Variants in SELENBP1 observed in about 807,000 individuals in gnomAD.
SELENBP1 encodes selenium binding protein 1, also known as methanethiol oxidase.
Under a neutral mutation model 61.0 loss-of-function variants are expected in SELENBP1, and 71 were observed. That is an observed-to-expected ratio of 1.16 (90% CI 0.96 to 1.42). The LOEUF (loss-of-function observed/expected upper bound fraction) is 1.42. Ranked by LOEUF, SELENBP1 falls within the 40% of genes most tolerant of loss-of-function variation. SELENBP1 has a pLI of 0.00. For missense variants in SELENBP1, 561 were observed against 605.0 expected (o/e 0.93, Z 0.76); for synonymous variants, 270 against 238.9 (o/e 1.13, Z -1.20).
intron 3 of SELENBP1, 117 bp from the exon 4 acceptor site, chr1:151,369,306 C>T (rs1199788456): frequency 4.2e-6 from 6 of 1,442,140 alleles, no homozygotes; most frequent in Non-Finnish European, 3.8e-6. Context: ...TTTCAGCACT[C>T]CCCTTGTCCC....
At chr1:151,365,434 C>T in intron 9 of SELENBP1, 129 bp downstream of exon 9, 1 of 1,496,926 alleles carries the variant, frequency 6.7e-7, no homozygotes, top group Non-Finnish European at 9.1e-7. Flanking sequence ...TGTGCTGTCC[C>T]ACAGCACACA....
At chr1:151,370,016 G>C (rs1420777214) in intron 1 of SELENBP1, 2 of 1,439,704 alleles carry the variant, frequency 1.4e-6, no homozygotes, top group Non-Finnish European at 1.8e-6. Context: ...GCCCCGGGAG[G>C]GTGGGAGGAG....
At chr1:151,368,882 G>A in intron 4 of SELENBP1, 122 bp downstream of exon 4, 1 of 1,040,170 alleles carries the variant, frequency 9.6e-7, no homozygotes, top group Non-Finnish European at 1.4e-6. Context: ...CCTCCCTGCT[G>A]CCGAGCCAGT....
chr1:151,368,330 T>C lies in SELENBP1; in HGVS notation c.361-11A>G. ...CTTGGGCTCAATGACCTGGAAGGGG[T>C]GGGGAATGGTGTCAGAATCATACAG... is the stretch of plus-strand genomic sequence containing the variant. On this transcript the variant is annotated splice_polypyrimidine_tract_variant and intron_variant, in intron 4 of 11. Transcript: ENST00000368868. The C allele has an allele frequency of 6.2e-7, 1 of 1,613,656 alleles. No individual in the cohort carries two copies. The highest frequency in any genetic ancestry group is 8.5e-7 in the Non-Finnish European group (1 of 1,179,684).
rs559115558 is a variant in SELENBP1 at position 151,369,820 on chromosome 1, G to C, written c.5-51C>G. ...CTGGGCCACGCTCTGGAGGGTGAAG[G>C]CTCCCTCCGCACGTTCTGCAGCACA... On this transcript the variant is annotated intron_variant, in intron 1 of 11. Transcript: ENST00000368868. 51 of 1,551,554 alleles carry C rather than the reference G, an allele frequency of 3.3e-5. No homozygotes were observed. The Admixed American group carries it at 4.3e-4, about 13-fold the overall frequency.
rs1352592864 is a variant in SELENBP1 at position 151,365,059 on chromosome 1, G to A, written c.1138-15C>T. ...ACCCGTTTTCCCTTGGGAAAACCAG[G>A]GGTCAGAGCCCAGGGTAACACACAG... is the stretch of plus-strand genomic sequence containing the variant. On this transcript the variant is annotated splice_polypyrimidine_tract_variant and intron_variant, in intron 10 of 11. Transcript: ENST00000368868. The A allele has an allele frequency of 1.9e-6, 3 of 1,601,534 alleles. No individual in the cohort carries two copies. Among genetic ancestry groups the A allele is most frequent in the Non-Finnish European group, 1.7e-6 (2 of 1,173,934 alleles).
Position 151,366,910 on chromosome 1 carries a change from C to T in SELENBP1, c.482-6G>A. 1 of 1,612,930 alleles carries T rather than the reference C, an allele frequency of 6.2e-7. No homozygotes were observed. The highest frequency in any genetic ancestry group is 1.3e-5 in the African/African-American group (1 of 75,018). ...ATCCAGCAGCACAAAACCCCCTGAA[C>T]AGGGAAGGAAGCAGGGTGGCAGGTA... On this transcript the variant is annotated splice_region_variant and splice_polypyrimidine_tract_variant and intron_variant, in intron 5 of 11. Coordinates refer to ENST00000368868, the MANE Select transcript of SELENBP1 (RefSeq NM_003944.4).
At chr1:151,368,178 G>A in intron 5 of SELENBP1, 21 bp downstream of exon 5, 1 of 1,606,818 alleles carries the variant, frequency 6.2e-7, no homozygotes, top group South Asian at 1.1e-5. Context: ...GTTTTCATGA[G>A]CACACAGTGC....
intron 1 of SELENBP1, among the ~76,000 whole-genome samples, chr1:151,372,217 C>G (rs1228183515): frequency 6.6e-6 from 1 of 152,164 alleles, no homozygotes; most frequent in Non-Finnish European, 1.5e-5. Flanking sequence ...GACCTGGGCA[C>G]AGAAAGGCTT....
rs1296270698 is a variant in SELENBP1, at chr1:151,371,750, C to T, written c.4+888G>A. 5.9e-5 allele frequency among the ~76,000 whole-genome samples: 9 copies of T among 152,152 alleles called. No individual in the cohort carries two copies. The South Asian group carries it at 1.7e-3, about 28-fold the overall frequency. On this transcript the variant is annotated intron_variant, in intron 1 of 11. Coordinates refer to ENST00000368868, the MANE Select transcript of SELENBP1 (RefSeq NM_003944.4). ...GTAAAAGTGCAGAGATGGAGCTGCC[C>T]GCTCTGCAGCCTCGGCCCACCCCAC...
chr1:151,369,776 A>G lies in SELENBP1; in HGVS notation c.5-7T>C. 1 of 1,552,058 alleles carries G rather than the reference A, an allele frequency of 6.4e-7. No homozygotes were observed. Among genetic ancestry groups the G allele is most frequent in the Non-Finnish European group, 8.7e-7 (1 of 1,147,176 alleles). ...CAATTCCCACATTTCGTAGCTGTGG[A>G]AGCAATGGGGCGCATTGGCTGGGCC... On this transcript the variant is annotated splice_region_variant and splice_polypyrimidine_tract_variant and intron_variant, in intron 1 of 11. Transcript: ENST00000368868.
At position 151,366,312 on chromosome 1, in the gene SELENBP1, G is replaced by A. The variant is rs1651812007; in HGVS notation, c.806C>T (p.Ala269Val). ...PDAAQGFVGCALSSTIQRFYK... is the reference protein window; with the variant it reads ...PDAAQGFVGCVLSSTIQRFYK... ...GAAGCGCTGGATGGTGGAGCTGAGT[G>A]CGCAGCCCACAAAGCCTTGGGCAGC... Residue 269 changes from alanine (A) to valine (V), a missense_variant, in exon 7 of 12, where the codon GCA (alanine) becomes GTA (valine). Physicochemically the swap from Ala to Val is moderately conservative, Grantham distance 64 (BLOSUM62 0). Coordinates refer to ENST00000368868, the MANE Select transcript of SELENBP1 (RefSeq NM_003944.4). 2 of 1,614,134 alleles carry A rather than the reference G, an allele frequency of 1.2e-6. No homozygotes were observed. The highest frequency in any genetic ancestry group is 1.7e-6 in the Non-Finnish European group (2 of 1,180,034).
Position 151,366,315 on chromosome 1 carries a change from C to T in SELENBP1, c.803G>A (p.Cys268Tyr), listed in dbSNP as rs756477901. 26 of 1,614,134 alleles carry T rather than the reference C, an allele frequency of 1.6e-5. No individual in the cohort carries two copies. The highest frequency in any genetic ancestry group is 2.1e-5 in the Non-Finnish European group (25 of 1,180,038). Reference sequence around the variant, plus strand: ...GCGCTGGATGGTGGAGCTGAGTGCGCAGCCCACAAAGCCTTGGGCAGCGTC... The same window carrying T: ...GCGCTGGATGGTGGAGCTGAGTGCGTAGCCCACAAAGCCTTGGGCAGCGTC... ...NPDAAQGFVG[C>Y]ALSSTIQRFY... The change falls in exon 7 of 12, where the codon TGC becomes TAC. Residue 268 changes from cysteine (C) to tyrosine (Y), a missense_variant. Physicochemically the swap from Cys to Tyr is radical, Grantham distance 194 (BLOSUM62 -2). Transcript: ENST00000368868.
Position 151,369,017 on chromosome 1 carries a change from G to A in SELENBP1, c.347C>T (p.Pro116Leu). The stretch of plus-strand genomic sequence containing the variant: ...CAGAGGACATGCCTTGTGCAGCTTT[G>A]GGGCCCGGGGCTCAGAGCCCACGTC... ...VVDVGSEPRA[P>L]KLHKVIEPKD... Residue 116 changes from proline (P) to leucine (L), a missense_variant, in exon 4 of 12, where the codon CCA becomes CTA. By Grantham distance (98) the Pro-to-Leu change is moderately conservative. Coordinates refer to ENST00000368868, the MANE Select transcript of SELENBP1 (RefSeq NM_003944.4). 2 of 1,610,988 alleles carry A rather than the reference G, an allele frequency of 1.2e-6. No individual in the cohort carries two copies. The highest frequency in any genetic ancestry group is 4.5e-5 in the East Asian group (2 of 44,754).
chr1:151,368,187 G>A lies in SELENBP1; in HGVS notation c.481+12C>T. On this transcript the variant is annotated intron_variant, in intron 5 of 11. Transcript: ENST00000368868. Reference sequence around the variant, plus strand: ...GTGGAAGTTTTCATGAGCACACAGTGCTGGCAGGTACCTTTGCCATTGCCC... The same window carrying A: ...GTGGAAGTTTTCATGAGCACACAGTACTGGCAGGTACCTTTGCCATTGCCC... The A allele has an allele frequency of 6.2e-7, 1 of 1,613,608 alleles. No homozygotes were observed. The highest frequency in any genetic ancestry group is 8.5e-7 in the Non-Finnish European group (1 of 1,179,734).
Position 151,364,656 on chromosome 1 carries a change from G to T in SELENBP1, c.1306C>A (p.Leu436Met), listed in dbSNP as rs772183097. 1 of 1,611,784 alleles carries T rather than the reference G, an allele frequency of 6.2e-7. No homozygotes were observed. Among genetic ancestry groups the T allele is most frequent in the Non-Finnish European group, 8.5e-7 (1 of 1,178,772 alleles). Reference sequence around the variant, plus strand: ...ACCAGGAAGTTGGGGTTCAACTTCAGCCCTCCTTTTACTGTGTCTACATCA... The same window carrying T: ...ACCAGGAAGTTGGGGTTCAACTTCATCCCTCCTTTTACTGTGTCTACATCA... ...QVDVDTVKGGLKLNPNFLVDF... is the reference protein window; with the variant it reads ...QVDVDTVKGGMKLNPNFLVDF... Residue 436 changes from leucine (L) to methionine (M), a missense_variant, in exon 12 of 12, where the codon CTG (leucine) becomes ATG (methionine). Transcript: ENST00000368868.
intron 1 of SELENBP1, among the ~76,000 whole-genome samples, chr1:151,371,488 T>G (rs1159278759): frequency 6.8e-6 from 1 of 147,014 alleles, no homozygotes; most frequent in African/African-American, 2.5e-5. Flanking sequence ...TGCCAGGGAG[T>G]GCTCGATGCC....
At chr1:151,366,583 T>C (rs868012203) in intron 6 of SELENBP1, 130 bp from the exon 7 acceptor site, 19 of 1,397,060 alleles carry the variant, frequency 1.4e-5, no homozygotes, top group Middle Eastern at 1.8e-4. Flanking sequence ...GCTTGAGCAA[T>C]CTGAGCATGC....
intron 9 of SELENBP1, 97 bp downstream of exon 9, chr1:151,365,466 C>T: frequency 1.3e-6 from 2 of 1,582,974 alleles, no homozygotes; most frequent in Non-Finnish European, 1.7e-6. Flanking sequence ...CCTGCACCTC[C>T]CTCAACATCC....
Sources: gnomAD v4.1 joint callset for allele counts (sites outside exome capture counted in the v4.1 genomes callset) on GRCh38, gnomAD v4.1.1 for gene constraint, MANE v1.5 for transcripts, NCBI Gene and HGNC (gene_info 2026-07-23, HGNC 2026-07-21) for gene names.